FAM20A: variants seen among roughly 807,000 people sequenced by gnomAD.
FAM20A encodes pseudokinase FAM20A.
Under a neutral mutation model 52.0 loss-of-function variants are expected in FAM20A, and 42 were observed. That is an observed-to-expected ratio of 0.81 (90% CI 0.63 to 1.04). The LOEUF (loss-of-function observed/expected upper bound fraction) is 1.04, where lower values mean the gene tolerates loss of function less well. Among genes scored for constraint, FAM20A ranks in the 50% least tolerant of loss-of-function variants. The pLI, the probability that FAM20A is intolerant of heterozygous loss-of-function variation, is 0.00. For synonymous variants in FAM20A, 304 were observed against 298.9 expected, an observed-to-expected ratio of 1.02 and a Z score of -0.18; for missense variants, 742 against 712.7, an observed-to-expected ratio of 1.04 and a Z score of -0.47.
At chr17:68,573,670 T>C (rs959822257) in intron 1 of FAM20A, among the ~76,000 whole-genome samples, 4 of 151,550 alleles carry the variant, frequency 2.6e-5, no homozygotes, top group Non-Finnish European at 1.5e-5. Context: ...TTTCTTTTCT[T>C]TCTTTCTTTT....
In FAM20A at chr17:68,600,281, T is replaced by A. The variant is rs1169016420; in HGVS notation, c.386A>T (p.Lys129Met). The A allele has an allele frequency of 2.5e-6, 4 of 1,571,370 alleles. No homozygotes were observed. Among genetic ancestry groups the A allele is most frequent in the Non-Finnish European group, 3.5e-6 (4 of 1,158,872 alleles). ...TCCTCACCTGTTCCAGCGGGCCACC[T>A]TCCTCCGGTAATACCGCAGCGCCTC... The part of the protein sequence containing the change: ...SQEALRYYRR[K>M]VARWNRRHKM... The change falls in exon 1 of 11, where the codon AAG becomes ATG. Residue 129 changes from lysine (K) to methionine (M), a missense_variant. Lys to Met is a moderately conservative substitution (Grantham distance 95). Transcript: ENST00000592554. The surrounding 1 kb of genome is among the most constrained non-coding windows in gnomAD (Gnocchi z 6.2).
chr17:68,581,412 T>TTCTTTCTTTCTTTCTTTCTTTCTC (rs1234266220), intron 1 of FAM20A, among the ~76,000 whole-genome samples: 1 of 146,084 alleles, frequency 6.8e-6, no homozygotes, highest in African/African-American at 2.6e-5. Flanking sequence ...CTTTCTTTCT[T>TTCTTTCTTTCTTTCTTTCTTTCTC]TCTTTTTCTC....
At chr17:68,541,440 T>A (rs1275872096) in intron 7 of FAM20A, 2 of 197,376 alleles carry the variant, frequency 1.0e-5, no homozygotes, top group African/African-American at 4.7e-5. Flanking sequence ...ATCTGTCATG[T>A]CCTCCAGAAA....
chr17:68,575,173 G>C (rs1482195887), intron 1 of FAM20A: 1 of 151,732 alleles, frequency 6.6e-6, no homozygotes, highest in Non-Finnish European at 1.5e-5. Context: ...TGGACTTCTG[G>C]CCTCCAGAAA....
intron 10 of FAM20A, among the ~76,000 whole-genome samples, chr17:68,539,059 A>G (rs1210668713): frequency 6.6e-6 from 1 of 152,234 alleles, no homozygotes; most frequent in Non-Finnish European, 1.5e-5. Flanking sequence ...ACAGTGGTGG[A>G]TAGCTGTGTA....
At position 68,542,776 on chromosome 17, in the gene FAM20A, C is replaced by T. The variant is rs748466988; in HGVS notation, c.846G>A (p.Val282=). The T allele has an allele frequency of 6.2e-7, 1 of 1,614,140 alleles. No homozygotes were observed. Among genetic ancestry groups the T allele is most frequent in the African/African-American group, 1.3e-5 (1 of 75,044 alleles). The change falls in exon 6 of 11, where the codon GTG becomes GTA. Residue 282 remains valine (V), a synonymous_variant. Coordinates refer to ENST00000592554, the MANE Select transcript of FAM20A (RefSeq NM_017565.4). ...CCTTGGTGACATTTACTATCCTCCC[C>T]ACTGTTGGCGGCACCCGTCGGAAGT... ...ILDFRRVPPT[V]GRIVNVTKEI...
In FAM20A at chr17:68,535,676, T is replaced by C. The variant is rs773669248; in HGVS notation, c.*1801A>G. The stretch of plus-strand genomic sequence containing the variant: ...GAGTTGATTTAAAAAAAAATTTTTT[T>C]TTTTTTGTATTTTTTTGTAGAGACA... On this transcript the variant is annotated 3_prime_UTR_variant, in exon 11 of 11. Transcript: ENST00000592554. The C allele has an allele frequency of 2.2e-6, 1 of 447,164 alleles. No individual in the cohort carries two copies. Among genetic ancestry groups the C allele is most frequent in the Non-Finnish European group, 4.4e-6 (1 of 225,202 alleles). The allele number at this position is 447,164 out of a possible 1,614,324, so 27.7% of individuals were successfully genotyped here. A position where few individuals can be genotyped will look rare whatever the true frequency, so the allele number is the denominator to read the frequency against.
intron 1 of FAM20A, among the ~76,000 whole-genome samples, chr17:68,588,976 A>C (rs2088232235): frequency 6.6e-6 from 1 of 152,236 alleles, no homozygotes. Flanking sequence ...GCTCAGTAGA[A>C]GAGAACTAAG....
rs1361711961 is a variant in FAM20A at position 68,535,902 on chromosome 17, T to C, written c.*1575A>G. 4.4e-6 allele frequency: 2 copies of C among 453,994 alleles called. No individual in the cohort carries two copies. The highest frequency in any genetic ancestry group is 2.0e-5 in the African/African-American group (1 of 50,010). The allele number at this position is 453,994 out of a possible 1,614,324, so 28.1% of individuals were successfully genotyped here. On this transcript the variant is annotated 3_prime_UTR_variant, in exon 11 of 11. Coordinates refer to ENST00000592554, the MANE Select transcript of FAM20A (RefSeq NM_017565.4). ...TGAAAAGAAGACTTTGGAATAGGTC[T>C]AAACCACTAAATTGTGTGATTTTGC... is the stretch of plus-strand genomic sequence containing the variant.
chr17:68,545,469 C>T (rs781341374), intron 4 of FAM20A, among the ~76,000 whole-genome samples: 35 of 152,160 alleles, frequency 2.3e-4, no homozygotes, highest in Non-Finnish European at 3.8e-4. Flanking sequence ...AGCATTATGT[C>T]TGAAAAATGT....
chr17:68,568,653 TG>T (rs1169533255), intron 1 of FAM20A, among the ~76,000 whole-genome samples: 3 of 151,734 alleles, frequency 2.0e-5, no homozygotes, highest in Non-Finnish European at 4.4e-5. Context: ...TAGCTTATGG[TG>T]GTTCCAGGCA....
chr17:68,540,733 G>T, intron 8 of FAM20A, 116 bp downstream of exon 8: 1 of 1,283,742 alleles, frequency 7.8e-7, no homozygotes, highest in Non-Finnish European at 1.1e-6. Flanking sequence ...GCTGTGGGAG[G>T]TGCAGAGTTA....
rs572666450 is a variant in FAM20A, at chr17:68,536,714, C to G, written c.*763G>C. 7 of 453,946 alleles carry G rather than the reference C, an allele frequency of 1.5e-5. No homozygotes were observed. The highest frequency in any genetic ancestry group is 3.1e-5 in the Non-Finnish European group (7 of 226,796). 28.1% of individuals were successfully genotyped at this position (453,946 alleles called of 1,614,324 possible). ...CCTGCTAGGCCTGTTCCCATGCCATCCTGACCTTGGAGGACTTTCCTTTTT... is the reference window on the plus strand; with the variant it reads ...CCTGCTAGGCCTGTTCCCATGCCATGCTGACCTTGGAGGACTTTCCTTTTT... On this transcript the variant is annotated 3_prime_UTR_variant, in exon 11 of 11. Coordinates refer to ENST00000592554, the MANE Select transcript of FAM20A (RefSeq NM_017565.4).
At chr17:68,591,424 G>C (rs1198989678) in intron 1 of FAM20A, among the ~76,000 whole-genome samples, 2 of 152,190 alleles carry the variant, frequency 1.3e-5, no homozygotes, top group East Asian at 3.9e-4. Flanking sequence ...AATGCTGTGA[G>C]GGCAGTTCCT....
intron 7 of FAM20A, chr17:68,541,328 C>A: frequency 3.5e-6 from 1 of 285,512 alleles, no homozygotes; most frequent in South Asian, 3.9e-5. Flanking sequence ...CCTCCATGGG[C>A]TGTTCCTGCC....
At chr17:68,594,354 G>A (rs796613150) in intron 1 of FAM20A, among the ~76,000 whole-genome samples, 9 of 151,282 alleles carry the variant, frequency 5.9e-5, no homozygotes, top group African/African-American at 9.7e-5. Context: ...AGCCGAGATC[G>A]CGCCACTGCA....
intron 1 of FAM20A, among the ~76,000 whole-genome samples, chr17:68,571,987 C>CATACATATAT (rs2087555404): frequency 4.6e-5 from 2 of 43,772 alleles, no homozygotes; most frequent in African/African-American, 1.2e-4. Context: ...TATATACATA[C>CATACATATAT]ATATATATAT....
intron 1 of FAM20A, among the ~76,000 whole-genome samples, chr17:68,595,450 G>A (rs1480156103): frequency 6.6e-6 from 1 of 152,174 alleles, no homozygotes; most frequent in Non-Finnish European, 1.5e-5. Flanking sequence ...GAGTGGAGAG[G>A]TTTCCTCCAA....
intron 1 of FAM20A, among the ~76,000 whole-genome samples, chr17:68,588,297 G>A (rs2088214304): frequency 6.6e-6 from 1 of 152,208 alleles, no homozygotes; most frequent in Non-Finnish European, 1.5e-5. Context: ...TTTAAGGAAG[G>A]AAAGGCCAAG....
Sources: allele counts gnomAD v4.1 joint callset (sites outside exome capture counted in the v4.1 genomes callset), GRCh38; gene constraint gnomAD v4.1.1; non-coding constraint Gnocchi (gnomAD v3.1); transcripts MANE v1.5; gene names NCBI Gene and HGNC (gene_info 2026-07-23, HGNC 2026-07-21).